Variants in ROBO2 observed in about 807,000 individuals in gnomAD.
The protein encoded by ROBO2 is roundabout guidance receptor 2.
Under a neutral mutation model 160.8 loss-of-function variants are expected in ROBO2, and 53 were observed. The ratio of observed to expected loss-of-function variants is 0.33; its 90% CI spans 0.26 to 0.41. The LOEUF (loss-of-function observed/expected upper bound fraction) is 0.41, where lower values mean the gene tolerates loss of function less well. Among genes scored for constraint, ROBO2 ranks in the 10% least tolerant of loss-of-function variants. The probability of loss-of-function intolerance (pLI) is 1.00; values close to 1 mark genes in which losing one functional copy is unlikely to be tolerated. For missense variants in ROBO2, 1,577 were observed against 1,722.4 expected, an observed-to-expected ratio of 0.92 and a Z score of 1.49; for synonymous variants, 664 against 611.7, an observed-to-expected ratio of 1.09 and a Z score of -1.26.
At chr3:77,302,800 C>G (rs940082697) in intron 2 of ROBO2, among the ~76,000 whole-genome samples, 1 of 152,086 alleles carries the variant, frequency 6.6e-6, no homozygotes, top group Non-Finnish European at 1.5e-5. Context: ...CTGGCTATGA[C>G]CTTTTTATTG....
intron 2 of ROBO2, among the ~76,000 whole-genome samples, chr3:77,256,211 T>C (rs539651569): frequency 1.3e-4 from 20 of 152,320 alleles, no homozygotes; most frequent in Non-Finnish European, 2.4e-4. Context: ...TTACAGCACA[T>C]GACAATAGAT....
At chr3:77,415,001 TG>T (rs1269354744) in intron 2 of ROBO2, among the ~76,000 whole-genome samples, 2 of 152,170 alleles carry the variant, frequency 1.3e-5, no homozygotes, top group East Asian at 3.9e-4. Context: ...GCCCATCTGG[TG>T]GAATGAGCCC....
intron 2 of ROBO2, among the ~76,000 whole-genome samples, chr3:76,794,826 A>G (rs187315288): frequency 2.0e-5 from 3 of 151,954 alleles, no homozygotes; most frequent in African/African-American, 7.2e-5. Context: ...ATTTTGGTAA[A>G]CCTCATCATT....
intron 2 of ROBO2, among the ~76,000 whole-genome samples, chr3:76,599,714 AG>A (rs1367904885): frequency 1.3e-5 from 2 of 151,872 alleles, no homozygotes; most frequent in South Asian, 2.1e-4. Context: ...AGCACCTGTT[AG>A]TTTTTTACTT....
intron 2 of ROBO2, among the ~76,000 whole-genome samples, chr3:76,819,588 CA>C (rs2065948093): frequency 6.6e-6 from 1 of 151,928 alleles, no homozygotes; most frequent in African/African-American, 2.4e-5. Context: ...GGGTCAGTTA[CA>C]AAGCAATAAA....
At chr3:75,976,958 T>C (rs2065149521) in intron 2 of ROBO2, among the ~76,000 whole-genome samples, 1 of 151,602 alleles carries the variant, frequency 6.6e-6, no homozygotes, top group African/African-American at 2.4e-5. Flanking sequence ...ATGTTACCTA[T>C]CAAGGAAATT....
intron 2 of ROBO2, among the ~76,000 whole-genome samples, chr3:76,489,084 CAAAAAAAAAAAAAAAAA>C (rs67454494): frequency 3.3e-5 from 2 of 60,134 alleles, no homozygotes; most frequent in Non-Finnish European, 6.5e-5. Flanking sequence ...GACTCTGTCT[CAAAAAAAAAAAAAAAAA>C]AAAAAAAAAA....
intron 2 of ROBO2, among the ~76,000 whole-genome samples, chr3:76,133,817 G>A (rs999382157): frequency 3.9e-5 from 6 of 152,094 alleles, no homozygotes; most frequent in African/African-American, 1.4e-4. Context: ...AGCTGATTAG[G>A]CGGTGCCCAC....
chr3:77,325,954 T>C (rs981409626), intron 2 of ROBO2, among the ~76,000 whole-genome samples: 1 of 152,234 alleles, frequency 6.6e-6, no homozygotes, highest in Admixed American at 6.5e-5. Context: ...TCCCATGGAA[T>C]TGAAGATCCT....
chr3:77,611,348 G>A (rs1354541361), intron 21 of ROBO2, among the ~76,000 whole-genome samples: 3 of 151,780 alleles, frequency 2.0e-5, no homozygotes, highest in Admixed American at 6.6e-5. Flanking sequence ...CTAAGAAGAC[G>A]TTTTGAAGCC....
chr3:77,317,924 G>T (rs2064232303), intron 2 of ROBO2, among the ~76,000 whole-genome samples: 1 of 139,232 alleles, frequency 7.2e-6, no homozygotes, highest in Non-Finnish European at 1.6e-5. Context: ...GCTGCTAGGG[G>T]GGCTGCGGCG....
rs1430343925 is a variant in ROBO2, at chr3:77,186,477, C to CA, written c.388+88139dup. On this transcript the variant is annotated intron_variant, in intron 2 of 25. Coordinates refer to ENST00000461745, the Ensembl canonical transcript of ROBO2. ...TTGGAATCAAGGGAGAGCATGCAGGCAAGGCTGAGGAATTGAAGTAATAAT... is the reference window on the plus strand; with the variant it reads ...TTGGAATCAAGGGAGAGCATGCAGGCAAAGGCTGAGGAATTGAAGTAATAAT... Among the ~76,000 whole-genome samples, 5 of 151,948 alleles carry CA rather than the reference C, an allele frequency of 3.3e-5. No homozygotes were observed. In the East Asian group the frequency reaches 5.8e-4, roughly 18 times the overall value.
At chr3:76,910,731 A>C (rs1260757194) in intron 2 of ROBO2, among the ~76,000 whole-genome samples, 1 of 146,470 alleles carries the variant, frequency 6.8e-6, no homozygotes, top group African/African-American at 2.6e-5. Context: ...GTCTCAAAAA[A>C]AAAAAAAAAA....
chr3:76,091,961 T>C (rs2069254413), intron 2 of ROBO2, among the ~76,000 whole-genome samples: 2 of 149,158 alleles, frequency 1.3e-5, no homozygotes, highest in East Asian at 3.9e-4. Context: ...AGAGGATTTT[T>C]AGGACAGTGA....
intron 2 of ROBO2, among the ~76,000 whole-genome samples, chr3:76,638,450 C>CT (rs1359665977): frequency 1.3e-5 from 2 of 151,662 alleles, no homozygotes; most frequent in Middle Eastern, 3.2e-3. Flanking sequence ...TCAAATTAGG[C>CT]TTTTTTTAAA....
At chr3:76,639,258 G>T (rs1019042088) in intron 2 of ROBO2, among the ~76,000 whole-genome samples, 1 of 151,446 alleles carries the variant, frequency 6.6e-6, no homozygotes, top group Non-Finnish European at 1.5e-5. Flanking sequence ...ATATTTATAT[G>T]TATGTTTATA....
At chr3:77,480,963 T>C (rs1163999226) in intron 3 of ROBO2, 136 bp from the exon 4 acceptor site, 2 of 732,156 alleles carry the variant, frequency 2.7e-6, no homozygotes, top group African/African-American at 3.6e-5. Context: ...TACCTGCAAA[T>C]GCCAAAATAA....
intron 2 of ROBO2, among the ~76,000 whole-genome samples, chr3:76,661,635 A>T (rs2110057726): frequency 6.6e-6 from 1 of 152,258 alleles, no homozygotes; most frequent in East Asian, 1.9e-4. Flanking sequence ...ATTGGTTGAG[A>T]GAGTTGTTTC....
chr3:77,009,230 G>A (rs1578219212), intron 2 of ROBO2, among the ~76,000 whole-genome samples: 1 of 152,150 alleles, frequency 6.6e-6, no homozygotes, highest in East Asian at 1.9e-4. Context: ...TGATAATTCA[G>A]TTTGTGAATA....
Sources: allele counts gnomAD v4.1 joint callset (sites outside exome capture counted in the v4.1 genomes callset), GRCh38; gene constraint gnomAD v4.1.1; transcripts MANE v1.5; gene names NCBI Gene and HGNC (gene_info 2026-07-23, HGNC 2026-07-21).